Variants in LMNA observed in about 807,000 individuals in gnomAD.
LMNA encodes the protein lamin A/C.
In LMNA, 20 loss-of-function variants were observed where a neutral mutation model predicts 70.4. The observed-to-expected ratio is 0.28, with a 90% CI of 0.20 to 0.41. The LOEUF (loss-of-function observed/expected upper bound fraction) is 0.41. LMNA is among the 10% of genes least tolerant of loss of function. The pLI, the probability that LMNA is intolerant of heterozygous loss-of-function variation, is 1.00. For missense variants in LMNA, 652 were observed against 917.2 expected (o/e 0.71, Z 3.73); for synonymous variants, 339 against 372.8 (o/e 0.91, Z 1.04).
chr1:156,084,333 GGT>G lies in LMNA; in HGVS notation c.-319+1151_-319+1152del, dbSNP rs762292639. ...AGCTGAGGATCTCAGAAGGTCGGGG[GGT>G]GGTGGGGGCAGTTGGCACACTGCAG... is the stretch of plus-strand genomic sequence containing the variant. On this transcript the variant is annotated intron_variant, in intron 2 of 12. Transcript: ENST00000368301. Among the ~76,000 whole-genome samples, 39 of 68,518 alleles carry G rather than the reference GGT, an allele frequency of 5.7e-4. 2 individuals are homozygous for G. The highest frequency in any genetic ancestry group is 2.8e-4 in the Admixed American group (2 of 7,268). The allele number at this position is 68,518 out of a possible 152,430, so 45.0% of individuals were successfully genotyped here.
At chr1:156,112,155 A>G (rs748891026), upstream of LMNA, among the ~76,000 whole-genome samples, 12 of 152,028 alleles carry the variant, frequency 7.9e-5, no homozygotes, top group African/African-American at 1.2e-4. Flanking sequence ...AGTGGCTCAC[A>G]CCTATAATCC....
Position 156,136,258 on chromosome 1 carries a change from G to A in LMNA, c.1202G>A (p.Arg401His), listed in dbSNP as rs141490569. 6.4e-5 allele frequency: 103 copies of A among 1,611,884 alleles called. No homozygotes were observed. Among genetic ancestry groups the A allele is most frequent in the Admixed American group, 2.0e-4 (12 of 60,006 alleles). Residue 401 changes from arginine (R) to histidine (H), a missense_variant, in exon 7 of 12, where the codon CGT becomes CAT. Physicochemically the swap from Arg to His is conservative, Grantham distance 29 (BLOSUM62 0). Transcript: ENST00000368300. The surrounding 1 kb of genome is among the most constrained non-coding windows in gnomAD (Gnocchi z 6.1). The part of the protein sequence containing the change: ...PSPTSQRSRG[R>H]ASSHSSQTQG... ...CCTACCTCGCAGCGCAGCCGTGGCC[G>A]TGCTTCCTCTCACTCATCCCAGACA... is the stretch of plus-strand genomic sequence containing the variant.
chr1:156,108,422 G>C (rs749510894), intron 3 of LMNA, among the ~76,000 whole-genome samples: 1 of 152,024 alleles, frequency 6.6e-6, no homozygotes, highest in Non-Finnish European at 1.5e-5. Context: ...ACCTGTCCAG[G>C]GTTCTAGCCA....
intron 1 of LMNA, among the ~76,000 whole-genome samples, chr1:156,119,655 A>G (rs1218890669): frequency 6.6e-6 from 1 of 152,236 alleles, no homozygotes; most frequent in Non-Finnish European, 1.5e-5. Flanking sequence ...GCACCAGGGA[A>G]GCCTGTCTGG....
rs1366992697 is a variant in LMNA at position 156,137,454 on chromosome 1, T to C, written c.1609-200T>C. 5.2e-6 allele frequency: 4 copies of C among 772,786 alleles called. No individual in the cohort carries two copies. Among genetic ancestry groups the C allele is most frequent in the African/African-American group, 1.7e-5 (1 of 58,480 alleles). The allele number at this position is 772,786 out of a possible 1,614,324, so 47.9% of individuals were successfully genotyped here. Reference sequence around the variant, plus strand: ...GTGAGGATTGTTAAAGGCAGAGCCATACTCCTACCCGGAGAGCTTGACAGT... The same window carrying C: ...GTGAGGATTGTTAAAGGCAGAGCCACACTCCTACCCGGAGAGCTTGACAGT... On this transcript the variant is annotated intron_variant, in intron 9 of 11. Coordinates refer to ENST00000368300, the MANE Select transcript of LMNA (RefSeq NM_170707.4). This position sits in a 1 kb window ranked among gnomAD's most constrained non-coding sequence, Gnocchi z 4.6.
rs34481489 is a variant in LMNA at position 156,127,686 on chromosome 1, A to ATT, written c.357-2914_357-2913dup. Among the ~76,000 whole-genome samples, 368 of 125,810 alleles carry ATT rather than the reference A, an allele frequency of 2.9e-3. 1 individual carries two copies. The highest frequency in any genetic ancestry group is 4.5e-3 in the Admixed American group (57 of 12,542). The allele number at this position is 125,810 out of a possible 152,430, so 82.5% of individuals were successfully genotyped here. A position where few individuals can be genotyped will look rare whatever the true frequency, so the allele number is the denominator to read the frequency against. On this transcript the variant is annotated intron_variant, in intron 1 of 11. Transcript: ENST00000368300. ...GGTGCACACCACCGTACCCAGCTAA[A>ATT]TTTTTTTTTTTTTTTTTTGAGATAG...
In LMNA at chr1:156,115,782, G is replaced by T. The variant is rs1487059247; in HGVS notation, c.356+508G>T. Among the ~76,000 whole-genome samples the T allele has an allele frequency of 6.6e-6, 1 of 152,252 alleles. No individual in the cohort carries two copies. Among genetic ancestry groups the T allele is most frequent in the Non-Finnish European group, 1.5e-5 (1 of 68,048 alleles). ...AGACATAACTCTCAAGTTGGCATCT[G>T]TCCAGCGTGTTGGAGCGAGGTCAGG... is the stretch of plus-strand genomic sequence containing the variant. On this transcript the variant is annotated intron_variant, in intron 1 of 11. Coordinates refer to ENST00000368300, the MANE Select transcript of LMNA (RefSeq NM_170707.4). The surrounding 1 kb of genome is among the most constrained non-coding windows in gnomAD (Gnocchi z 5.8).
intron 1 of LMNA, among the ~76,000 whole-genome samples, chr1:156,120,223 A>C (rs1204800107): frequency 6.6e-6 from 1 of 152,236 alleles, no homozygotes; most frequent in Non-Finnish European, 1.5e-5. Flanking sequence ...CCACAGAGGC[A>C]CAGATGCTTG....
At chr1:156,085,520 G>T (rs1044029812) in intron 2 of LMNA, among the ~76,000 whole-genome samples, 2 of 152,190 alleles carry the variant, frequency 1.3e-5, no homozygotes, top group Admixed American at 6.5e-5. Context: ...GACTTTGGAG[G>T]ACAGCACTAT....
rs767516603 is a variant in LMNA, at chr1:156,139,800, A to G, written c.*694A>G. ...AGATGGGAATGAGGTGGGAGGTGGA[A>G]GAAGGGAGAAGAAAGGTGAGTTTGA... On this transcript the variant is annotated 3_prime_UTR_variant, in exon 12 of 12. Transcript: ENST00000368300. 10 of 1,532,928 alleles carry G rather than the reference A, an allele frequency of 6.5e-6. No homozygotes were observed. Among genetic ancestry groups the G allele is most frequent in the Middle Eastern group, 1.8e-4 (1 of 5,536 alleles). 95.0% of individuals were successfully genotyped at this position (1,532,928 alleles called of 1,614,324 possible). A position where few individuals can be genotyped will look rare whatever the true frequency, so the allele number is the denominator to read the frequency against.
chr1:156,115,143 C>A lies in LMNA; in HGVS notation c.225C>A (p.Ser75=). 1.2e-6 allele frequency: 2 copies of A among 1,610,356 alleles called. No individual in the cohort carries two copies. The highest frequency in any genetic ancestry group is 1.7e-6 in the Non-Finnish European group (2 of 1,178,516). ...AAGAGGTGGTCAGCCGCGAGGTGTC[C>A]GGCATCAAGGCCGCCTACGAGGCCG... ...ESEEVVSREV[S]GIKAAYEAEL... The change falls in exon 1 of 12, where the codon TCC becomes TCA. Residue 75 remains serine, a synonymous_variant. Transcript: ENST00000368300. This position sits in a 1 kb window ranked among gnomAD's most constrained non-coding sequence, Gnocchi z 5.8.
Position 156,136,171 on chromosome 1 carries a change from A to G in LMNA, c.1158-43A>G, listed in dbSNP as rs16837198. Reference sequence around the variant, plus strand: ...GTGCTGGCAGTGTCCTCTGGCCGGCAACTGGCCTTGACTAGACCCCCACTT... The same window carrying G: ...GTGCTGGCAGTGTCCTCTGGCCGGCGACTGGCCTTGACTAGACCCCCACTT... On this transcript the variant is annotated intron_variant, in intron 6 of 11. Coordinates refer to ENST00000368300, the MANE Select transcript of LMNA (RefSeq NM_170707.4). The surrounding 1 kb of genome is among the most constrained non-coding windows in gnomAD (Gnocchi z 6.1). The G allele has an allele frequency of 4.1e-3, 6,550 of 1,612,968 alleles. 229 individuals carry two copies. The African/African-American group carries it at 0.074, about 18-fold the overall frequency.
At chr1:156,119,352 G>A (rs1260532499) in intron 1 of LMNA, among the ~76,000 whole-genome samples, 3 of 152,232 alleles carry the variant, frequency 2.0e-5, no homozygotes, top group Middle Eastern at 3.4e-3. Flanking sequence ...TCTTGACCTC[G>A]TGATCCGTCC....
At chr1:156,123,460 G>T (rs1429400676) in intron 1 of LMNA, 1 of 152,178 alleles carries the variant, frequency 6.6e-6, no homozygotes, top group Non-Finnish European at 1.5e-5. Flanking sequence ...TGTCCTCAGG[G>T]TTAATAACTA....
At chr1:156,106,084 G>A (rs888269800) in intron 3 of LMNA, among the ~76,000 whole-genome samples, 34 of 151,684 alleles carry the variant, frequency 2.2e-4, no homozygotes, top group Non-Finnish European at 4.0e-4. Context: ...GCAGTGAGCC[G>A]AGATCGCGCC....
At chr1:156,114,594 T>A, upstream of LMNA, 5 of 138,450 alleles carry the variant, frequency 3.6e-5, no homozygotes, top group Non-Finnish European at 7.3e-5. Flanking sequence ...TCCTTCCCCC[T>A]CCTCACCACT....
intron 2 of LMNA, among the ~76,000 whole-genome samples, chr1:156,088,015 G>T (rs1216255388): frequency 2.6e-5 from 4 of 151,888 alleles, no homozygotes; most frequent in Non-Finnish European, 5.9e-5. Flanking sequence ...GGGACTACAG[G>T]CGCGCACCAC....
chr1:156,134,628 A>C lies in LMNA; in HGVS notation c.639+100A>C. ...GCTGTGTGCAGAGCTCGCCTTCCTGAGTCCCTTGCCCTAGTGGACAGGGAG... is the reference window on the plus strand; with the variant it reads ...GCTGTGTGCAGAGCTCGCCTTCCTGCGTCCCTTGCCCTAGTGGACAGGGAG... On this transcript the variant is annotated intron_variant, in intron 3 of 11. Coordinates refer to ENST00000368300, the MANE Select transcript of LMNA (RefSeq NM_170707.4). The surrounding 1 kb of genome is among the most constrained non-coding windows in gnomAD (Gnocchi z 5.3). The C allele has an allele frequency of 6.3e-7, 1 of 1,577,856 alleles. No individual in the cohort carries two copies. The highest frequency in any genetic ancestry group is 8.7e-7 in the Non-Finnish European group (1 of 1,151,248).
chr1:156,130,695 G>A lies in LMNA; in HGVS notation c.435G>A (p.Glu145=), dbSNP rs1228858436. The A allele has an allele frequency of 1.1e-5, 18 of 1,613,732 alleles. No homozygotes were observed. Among genetic ancestry groups the A allele is most frequent in the Non-Finnish European group, 1.5e-5 (18 of 1,179,952 alleles). The part of the protein sequence containing the change: ...KDLEALLNSK[E]AALSTALSEK... ...TGGAGGCTCTGCTGAACTCCAAGGA[G>A]GCCGCACTGAGCACTGCTCTCAGTG... is the stretch of plus-strand genomic sequence containing the variant. Residue 145 remains glutamate (E), a synonymous_variant, in exon 2 of 12, where the codon GAG becomes GAA. Transcript: ENST00000368300.
Sources: gnomAD v4.1 joint callset for allele counts (sites outside exome capture counted in the v4.1 genomes callset) on GRCh38, gnomAD v4.1.1 for gene constraint, Gnocchi (gnomAD v3.1) non-coding constraint, MANE v1.5 for transcripts, NCBI Gene and HGNC (gene_info 2026-07-23, HGNC 2026-07-21) for gene names.